GRM5: variants seen among roughly 807,000 people sequenced by gnomAD.
GRM5 encodes the protein glutamate metabotropic receptor 5.
Under a neutral mutation model 83.1 loss-of-function variants are expected in GRM5, and 19 were observed. The observed-to-expected ratio is 0.23, with a 90% CI of 0.16 to 0.34. GRM5 has a LOEUF of 0.34. Ranked by LOEUF, GRM5 falls within the 10% of genes least tolerant of loss-of-function variation. The probability of loss-of-function intolerance (pLI) is 1.00; values close to 1 mark genes in which losing one functional copy is unlikely to be tolerated. For synonymous variants in GRM5, 675 were observed against 633.6 expected, an observed-to-expected ratio of 1.07 and a Z score of -0.98; for missense variants, 1,160 against 1,588.3, an observed-to-expected ratio of 0.73 and a Z score of 4.58.
chr11:89,023,416 G>A (rs919864981), intron 2 of GRM5, among the ~76,000 whole-genome samples: 1 of 151,972 alleles, frequency 6.6e-6, no homozygotes, highest in Non-Finnish European at 1.5e-5. Context: ...AAACTGCTGG[G>A]GTCCTTAGAA....
intron 2 of GRM5, among the ~76,000 whole-genome samples, chr11:88,875,065 T>C (rs1418351493): frequency 1.4e-5 from 2 of 137,980 alleles, no homozygotes; most frequent in Non-Finnish European, 3.1e-5. Context: ...CAATGAAGTC[T>C]GCCACATGAA....
At chr11:88,729,813 A>C (rs1941767257) in intron 3 of GRM5, among the ~76,000 whole-genome samples, 1 of 152,222 alleles carries the variant, frequency 6.6e-6, no homozygotes, top group South Asian at 2.1e-4. Flanking sequence ...GTGTTGGGAA[A>C]ACTGGCTAGC....
At chr11:88,815,527 A>AT (rs1231551776) in intron 3 of GRM5, among the ~76,000 whole-genome samples, 1 of 152,260 alleles carries the variant, frequency 6.6e-6, no homozygotes, top group Non-Finnish European at 1.5e-5. Flanking sequence ...AAAAAGCTTA[A>AT]TTTGGCCCAT....
At chr11:88,635,779 T>C (rs1373928298) in intron 4 of GRM5, among the ~76,000 whole-genome samples, 1 of 152,156 alleles carries the variant, frequency 6.6e-6, no homozygotes, top group East Asian at 1.9e-4. Context: ...TCAGGAAGAT[T>C]TTCCATATGT....
intron 3 of GRM5, among the ~76,000 whole-genome samples, chr11:88,666,588 C>G (rs925468536): frequency 1.3e-5 from 2 of 152,198 alleles, no homozygotes; most frequent in Admixed American, 6.5e-5. Flanking sequence ...GGATCAAATT[C>G]CAGCCTGAGT....
chr11:88,714,148 C>T lies in GRM5; in HGVS notation c.912-60745G>A, dbSNP rs570549720. Among the ~76,000 whole-genome samples, 3 of 152,050 alleles carry T rather than the reference C, an allele frequency of 2.0e-5. No homozygotes were observed. The East Asian group carries it at 5.8e-4, about 29-fold the overall frequency. On this transcript the variant is annotated intron_variant, in intron 3 of 9. Transcript: ENST00000305447. Reference sequence around the variant, plus strand: ...TTTTGTTGTTTCAGTTAACCAGTGACAAAGTGGCATAGAGAATAACTTTTG... The same window carrying T: ...TTTTGTTGTTTCAGTTAACCAGTGATAAAGTGGCATAGAGAATAACTTTTG...
At chr11:88,791,329 G>C (rs965209145) in intron 3 of GRM5, among the ~76,000 whole-genome samples, 2 of 152,144 alleles carry the variant, frequency 1.3e-5, no homozygotes, top group Non-Finnish European at 2.9e-5. Flanking sequence ...GGAGAGAATT[G>C]TGAGTTGAAA....
intron 3 of GRM5, among the ~76,000 whole-genome samples, chr11:88,786,506 C>A (rs1467563051): frequency 6.6e-6 from 1 of 152,130 alleles, no homozygotes; most frequent in Non-Finnish European, 1.5e-5. Flanking sequence ...TCTCTTTCAA[C>A]TCATCTCAGC....
intron 2 of GRM5, among the ~76,000 whole-genome samples, chr11:88,939,785 A>C (rs1168567176): frequency 6.6e-6 from 1 of 151,872 alleles, no homozygotes; most frequent in Non-Finnish European, 1.5e-5. Flanking sequence ...GGAAAGAAGT[A>C]CCTGATGTCT....
chr11:88,765,409 A>C (rs1290412871), intron 3 of GRM5, among the ~76,000 whole-genome samples: 1 of 149,466 alleles, frequency 6.7e-6, no homozygotes, highest in South Asian at 2.1e-4. Context: ...AAAAAAAAAA[A>C]AAAAAACAAA....
chr11:88,639,232 A>T lies in GRM5; in HGVS notation c.1147+13936T>A, dbSNP rs138728671. 4.6e-4 allele frequency among the ~76,000 whole-genome samples: 70 copies of T among 152,220 alleles called. No homozygotes were observed. In the East Asian group the frequency reaches 0.011, roughly 24 times the overall value. On this transcript the variant is annotated intron_variant, in intron 4 of 9. Coordinates refer to ENST00000305447, the MANE Select transcript of GRM5 (RefSeq NM_001143831.3). ...GTCCCGGGTCATGCGTGTTTGATGA[A>T]TACTCCGCTGAATGCTCAGGAGGGA...
chr11:88,750,298 T>C (rs1285381849), intron 3 of GRM5, among the ~76,000 whole-genome samples: 6 of 152,110 alleles, frequency 3.9e-5, no homozygotes, highest in African/African-American at 1.4e-4. Flanking sequence ...TCCTAGATTC[T>C]GACAAAACAG....
intron 3 of GRM5, among the ~76,000 whole-genome samples, chr11:88,746,249 T>C (rs1942138763): frequency 6.7e-6 from 1 of 148,380 alleles, no homozygotes; most frequent in Admixed American, 6.9e-5. Flanking sequence ...TCTGGCTTGG[T>C]TAATAATACA....
At chr11:88,513,431 ACT>A (rs1941435664) in intron 9 of GRM5, among the ~76,000 whole-genome samples, 1 of 152,038 alleles carries the variant, frequency 6.6e-6, no homozygotes, top group Admixed American at 6.6e-5. Context: ...TGTTAATGAA[ACT>A]CTATTTTGCC....
chr11:88,849,454 C>G (rs1361593215), intron 3 of GRM5, among the ~76,000 whole-genome samples: 2 of 152,076 alleles, frequency 1.3e-5, no homozygotes, highest in Non-Finnish European at 2.9e-5. Context: ...TATAAAATAA[C>G]AAGCCAATTT....
At chr11:88,652,310 T>G (rs1939651990) in intron 4 of GRM5, among the ~76,000 whole-genome samples, 1 of 152,038 alleles carries the variant, frequency 6.6e-6, no homozygotes, top group Non-Finnish European at 1.5e-5. Flanking sequence ...TTGTCAATTT[T>G]TACAAACTTT....
At chr11:88,696,764 C>G (rs1940915211) in intron 3 of GRM5, among the ~76,000 whole-genome samples, 1 of 152,168 alleles carries the variant, frequency 6.6e-6, no homozygotes, top group African/African-American at 2.4e-5. Flanking sequence ...ACGTAAAGTG[C>G]TAGCACAGTA....
intron 3 of GRM5, among the ~76,000 whole-genome samples, chr11:88,751,072 C>CAAAAAAAAAAAAA (rs774458890): frequency 1.0e-3 from 48 of 47,332 alleles, no homozygotes; most frequent in African/African-American, 2.6e-3. Flanking sequence ...TAGCAGAAGC[C>CAAAAAAAAAAAAA]AAAAAAAAAA....
Position 88,577,445 on chromosome 11 carries a change from T to A in GRM5, c.1691-9453A>T, listed in dbSNP as rs562083943. Reference sequence around the variant, plus strand: ...TTGTTCACACAGCACAGCTACAGCATTTCACTCTTGAGCACCTACACCATT... The same window carrying A: ...TTGTTCACACAGCACAGCTACAGCAATTCACTCTTGAGCACCTACACCATT... On this transcript the variant is annotated intron_variant, in intron 7 of 9. Transcript: ENST00000305447. Among the ~76,000 whole-genome samples the A allele has an allele frequency of 7.9e-5, 12 of 152,234 alleles. No homozygotes were observed. In the East Asian group the frequency reaches 1.7e-3, roughly 22 times the overall value.
Sources: gnomAD v4.1 joint callset for allele counts (sites outside exome capture counted in the v4.1 genomes callset) on GRCh38, gnomAD v4.1.1 for gene constraint, MANE v1.5 for transcripts, NCBI Gene and HGNC (gene_info 2026-07-23, HGNC 2026-07-21) for gene names.